The following SPOCK3 variants were observed in gnomAD, a reference collection of about 807,000 sequenced individuals.
The protein encoded by SPOCK3 is SPARC (osteonectin), cwcv and kazal like domains proteoglycan 3.
SPOCK3 carries 30 observed loss-of-function variants against 56.6 expected under a neutral mutation model. The observed-to-expected ratio is 0.53, with a 90% CI of 0.40 to 0.72. The LOEUF (loss-of-function observed/expected upper bound fraction) is 0.72. Ranked by LOEUF, SPOCK3 falls within the 30% of genes least tolerant of loss-of-function variation. The probability of loss-of-function intolerance (pLI) is 0.00; values close to 1 mark genes in which losing one functional copy is unlikely to be tolerated. For synonymous variants in SPOCK3, 196 were observed against 183.3 expected (o/e 1.07, Z -0.56); for missense variants, 527 against 530.0 (o/e 0.99, Z 0.06).
chr4:167,035,370 G>T (rs1383218069), intron 3 of SPOCK3, among the ~76,000 whole-genome samples: 1 of 151,746 alleles, frequency 6.6e-6, no homozygotes, highest in Non-Finnish European at 1.5e-5. Flanking sequence ...AGTGGAACAG[G>T]TTTAAATGTT....
intron 8 of SPOCK3, among the ~76,000 whole-genome samples, chr4:166,753,204 T>TA (rs761537299): frequency 5.9e-5 from 9 of 151,900 alleles, no homozygotes; most frequent in Non-Finnish European, 1.3e-4. Context: ...AAAATAAAAA[T>TA]AAAAAATTAA....
chr4:167,150,134 G>A (rs1764293008), intron 2 of SPOCK3, among the ~76,000 whole-genome samples: 1 of 152,096 alleles, frequency 6.6e-6, no homozygotes, highest in Admixed American at 6.6e-5. Flanking sequence ...TCAAAGTAAT[G>A]CATGAGTGGA....
At chr4:166,910,501 T>C (rs943699068) in intron 5 of SPOCK3, among the ~76,000 whole-genome samples, 6 of 152,176 alleles carry the variant, frequency 3.9e-5, no homozygotes, top group Admixed American at 3.9e-4. Flanking sequence ...TGAATTAATC[T>C]ACGTATAATA....
At chr4:166,738,863 C>T (rs1347767164) in intron 9 of SPOCK3, among the ~76,000 whole-genome samples, 4 of 151,938 alleles carry the variant, frequency 2.6e-5, no homozygotes, top group Non-Finnish European at 2.9e-5. Flanking sequence ...TTAATCCAGT[C>T]TATCATTGTT....
At chr4:167,233,714 C>G (rs2111193673) in intron 2 of SPOCK3, among the ~76,000 whole-genome samples, 1 of 151,704 alleles carries the variant, frequency 6.6e-6, no homozygotes, top group Middle Eastern at 3.4e-3. Context: ...CTTTGTGGGC[C>G]GGGAGGGGGC....
rs560469516 is a variant in SPOCK3, at chr4:167,083,638, G to A, written c.190-21101C>T. Among the ~76,000 whole-genome samples, 10 of 152,168 alleles carry A rather than the reference G, an allele frequency of 6.6e-5. No individual in the cohort carries two copies. The South Asian group carries it at 2.1e-3, about 32-fold the overall frequency. Reference sequence around the variant, plus strand: ...TATAATTGTCTACTTGAAATGCTGTGGTCAAACTAGGTTATATCATTCAGC... The same window carrying A: ...TATAATTGTCTACTTGAAATGCTGTAGTCAAACTAGGTTATATCATTCAGC... On this transcript the variant is annotated intron_variant, in intron 2 of 10. Coordinates refer to ENST00000357545, the MANE Select transcript of SPOCK3 (RefSeq NM_001040159.2).
At chr4:167,017,096 G>A (rs1214294757) in intron 3 of SPOCK3, among the ~76,000 whole-genome samples, 1 of 152,008 alleles carries the variant, frequency 6.6e-6, no homozygotes, top group Non-Finnish European at 1.5e-5. Context: ...AAATAACAAG[G>A]GCAGATAGCA....
intron 2 of SPOCK3, among the ~76,000 whole-genome samples, chr4:167,215,511 A>G (rs922781892): frequency 5.3e-5 from 8 of 152,286 alleles, no homozygotes; most frequent in African/African-American, 1.9e-4. Context: ...ACGTAACAGG[A>G]CAAAGGCCGC....
At chr4:166,780,939 G>A (rs778581530) in intron 7 of SPOCK3, among the ~76,000 whole-genome samples, 16 of 152,210 alleles carry the variant, frequency 1.1e-4, no homozygotes, top group Non-Finnish European at 1.5e-4. Context: ...CCAGTCTCAC[G>A]CTAAGCACAA....
Position 167,056,657 on chromosome 4 carries a change from A to G in SPOCK3, c.235+5835T>C, listed in dbSNP as rs545154056. On this transcript the variant is annotated intron_variant, in intron 3 of 10. Transcript: ENST00000357545. ...GAAGAATGCAGAAGCCTCAGGAGCC[A>G]ATGCGATCAACTGGAAGAAAGGGTA... Among the ~76,000 whole-genome samples the G allele has an allele frequency of 3.8e-3, 586 of 152,312 alleles. 8 individuals carry two copies. The highest frequency in any genetic ancestry group is 0.031 in the South Asian group (152 of 4,826).
At chr4:166,842,104 G>C (rs938568502) in intron 6 of SPOCK3, among the ~76,000 whole-genome samples, 12 of 152,184 alleles carry the variant, frequency 7.9e-5, no homozygotes, top group Non-Finnish European at 1.3e-4. Flanking sequence ...CCTGGCCTTA[G>C]GAGTGAAGCT....
chr4:167,008,823 C>T (rs766977355), intron 3 of SPOCK3, among the ~76,000 whole-genome samples: 2 of 151,984 alleles, frequency 1.3e-5, no homozygotes, highest in African/African-American at 4.8e-5. Flanking sequence ...AAACAATAGA[C>T]AGTGGGGACT....
intron 7 of SPOCK3, among the ~76,000 whole-genome samples, chr4:166,788,605 T>C (rs146324341): frequency 2.2e-4 from 34 of 151,856 alleles, no homozygotes; most frequent in African/African-American, 6.3e-4. Flanking sequence ...TAATATCTGC[T>C]TATTTACTAC....
At chr4:167,084,131 C>T (rs1330204169) in intron 2 of SPOCK3, among the ~76,000 whole-genome samples, 2 of 151,922 alleles carry the variant, frequency 1.3e-5, no homozygotes, top group Non-Finnish European at 2.9e-5. Flanking sequence ...CATACATGTA[C>T]AAGAGCACCT....
At chr4:166,982,664 A>C (rs906390526) in intron 4 of SPOCK3, among the ~76,000 whole-genome samples, 1 of 152,242 alleles carries the variant, frequency 6.6e-6, no homozygotes, top group Admixed American at 6.5e-5. Context: ...TACTAAATAG[A>C]GAAAATGCAG....
At chr4:167,013,159 A>G (rs1265525182) in intron 3 of SPOCK3, among the ~76,000 whole-genome samples, 2 of 152,000 alleles carry the variant, frequency 1.3e-5, no homozygotes, top group African/African-American at 4.8e-5. Context: ...GGATTAATTT[A>G]TTTTGTAATA....
chr4:167,087,517 T>G (rs1274586592), intron 2 of SPOCK3, among the ~76,000 whole-genome samples: 1 of 152,172 alleles, frequency 6.6e-6, no homozygotes, highest in Non-Finnish European at 1.5e-5. Context: ...ACAAATCTTA[T>G]CCCCAGAACA....
intron 6 of SPOCK3, among the ~76,000 whole-genome samples, chr4:166,809,684 T>C (rs1223678594): frequency 1.3e-5 from 2 of 152,078 alleles, no homozygotes; most frequent in Non-Finnish European, 2.9e-5. Flanking sequence ...GCTATGTTGA[T>C]ATAATAATCA....
chr4:167,160,920 A>C (rs185879135), intron 2 of SPOCK3, among the ~76,000 whole-genome samples: 1 of 152,346 alleles, frequency 6.6e-6, no homozygotes, highest in Admixed American at 6.5e-5. Flanking sequence ...CTTAAATGTT[A>C]GACCTAAAAC....
Sources: allele counts gnomAD v4.1 joint callset (sites outside exome capture counted in the v4.1 genomes callset), GRCh38; gene constraint gnomAD v4.1.1; transcripts MANE v1.5; gene names NCBI Gene and HGNC (gene_info 2026-07-23, HGNC 2026-07-21).